The following MEGF9 variants were observed in gnomAD, a reference collection of about 807,000 sequenced individuals.
The protein encoded by MEGF9 is multiple epidermal growth factor-like domains protein 9.
In MEGF9, 6 loss-of-function variants were observed where a neutral mutation model predicts 46.8. That is an observed-to-expected ratio of 0.13 (90% CI 0.07 to 0.25). MEGF9 has a LOEUF of 0.25. Among genes scored for constraint, MEGF9 ranks in the 10% least tolerant of loss-of-function variants. The pLI is 1.00. For synonymous variants in MEGF9, 302 were observed against 330.7 expected, an observed-to-expected ratio of 0.91 and a Z score of 0.94; for missense variants, 683 against 792.4, an observed-to-expected ratio of 0.86 and a Z score of 1.66.
At position 120,607,751 on chromosome 9, in the gene MEGF9, G is replaced by A. The variant is rs1035474997; in HGVS notation, c.1347C>T (p.Cys449=). ...EGYVHDLEGN[C]IKKEVILPTP... ...TAGGTGAAGTTTTACCTTTCTTGAT[G>A]CAATTTCCCTCGAGGTCGTGAACAT... Residue 449 remains cysteine (C), a synonymous_variant, in exon 5 of 6, where the codon TGC becomes TGT. Transcript: ENST00000373930. The A allele has an allele frequency of 1.9e-6, 3 of 1,609,088 alleles. No homozygotes were observed. Among genetic ancestry groups the A allele is most frequent in the South Asian group, 1.1e-5 (1 of 91,032 alleles).
chr9:120,709,693 C>T (rs1273128864), intron 1 of MEGF9, among the ~76,000 whole-genome samples: 1 of 152,172 alleles, frequency 6.6e-6, no homozygotes, highest in Non-Finnish European at 1.5e-5. Flanking sequence ...AATGTAGAGC[C>T]ACATTAGGAG....
chr9:120,614,345 T>C (rs558036214), intron 3 of MEGF9, among the ~76,000 whole-genome samples: 3 of 152,228 alleles, frequency 2.0e-5, no homozygotes, highest in African/African-American at 7.2e-5. Context: ...ATAAATTTAT[T>C]GTGAAAGATA....
rs369989873 is a variant in MEGF9 at position 120,714,264 on chromosome 9, ACGGCGGCGG to A, written c.86_94del (p.Ala29_Ala31del). The A allele has an allele frequency of 6.5e-4, 806 of 1,235,642 alleles. 11 individuals carry two copies. The East Asian group carries it at 0.02, about 31-fold the overall frequency. 76.5% of individuals were successfully genotyped at this position (1,235,642 alleles called of 1,614,324 possible). A position where few individuals can be genotyped will look rare whatever the true frequency, so the allele number is the denominator to read the frequency against. On this transcript the variant is annotated inframe_deletion, in exon 1 of 6. Transcript: ENST00000373930. ...ATTCCCCGCCGAGGCGGCTGAGGCG[ACGGCGGCGG>A]CGGCGGCGGCGGCGGCGCAGCACAA... is the stretch of plus-strand genomic sequence containing the variant.
rs187044701 is a variant in MEGF9, at chr9:120,676,461, T to C, written c.602-16886A>G. Reference sequence around the variant, plus strand: ...AGTGGTTACAACTGTGATTTTTTTTTCCATTGTATCTTCTAATCAATATTA... The same window carrying C: ...AGTGGTTACAACTGTGATTTTTTTTCCCATTGTATCTTCTAATCAATATTA... On this transcript the variant is annotated intron_variant, in intron 1 of 5. Coordinates refer to ENST00000373930, the MANE Select transcript of MEGF9 (RefSeq NM_001080497.3). 3.7e-3 allele frequency among the ~76,000 whole-genome samples: 558 copies of C among 152,326 alleles called. 3 individuals are homozygous for C. Among genetic ancestry groups the C allele is most frequent in the Non-Finnish European group, 6.2e-3 (422 of 68,022 alleles).
At chr9:120,676,398 CTT>C (rs753231477) in intron 1 of MEGF9, among the ~76,000 whole-genome samples, 5 of 152,042 alleles carry the variant, frequency 3.3e-5, no homozygotes, top group African/African-American at 4.8e-5. Context: ...GTTATGATGA[CTT>C]TTAAACTTTT....
intron 1 of MEGF9, among the ~76,000 whole-genome samples, chr9:120,698,811 C>G (rs1480445550): frequency 6.6e-6 from 1 of 152,132 alleles, no homozygotes; most frequent in East Asian, 1.9e-4. Flanking sequence ...TTTCAAAGTT[C>G]AAAATTCAGA....
intron 1 of MEGF9, among the ~76,000 whole-genome samples, chr9:120,682,401 T>C (rs569411927): frequency 6.6e-6 from 1 of 152,310 alleles, no homozygotes; most frequent in Non-Finnish European, 1.5e-5. Flanking sequence ...TTGTAATGCC[T>C]GGAAAATTCA....
At chr9:120,691,058 A>G (rs370310776) in intron 1 of MEGF9, among the ~76,000 whole-genome samples, 1 of 152,274 alleles carries the variant, frequency 6.6e-6, no homozygotes, top group African/African-American at 2.4e-5. Flanking sequence ...ACATGTAGAA[A>G]CTGGGTAATA....
At chr9:120,680,928 C>T (rs550755419) in intron 1 of MEGF9, among the ~76,000 whole-genome samples, 1 of 149,280 alleles carries the variant, frequency 6.7e-6, no homozygotes, top group East Asian at 2.1e-4. Flanking sequence ...AGGCAGCAGG[C>T]TCCCCTGTGG....
intron 1 of MEGF9, among the ~76,000 whole-genome samples, chr9:120,710,237 T>C (rs2043947134): frequency 6.6e-6 from 1 of 151,758 alleles, no homozygotes; most frequent in African/African-American, 2.4e-5. Flanking sequence ...GAGACCAGCC[T>C]GACCAACATG....
intron 1 of MEGF9, among the ~76,000 whole-genome samples, chr9:120,685,771 T>C (rs76514184): frequency 0.024 from 3,595 of 152,210 alleles, 149 homozygotes; most frequent in African/African-American, 0.083. Context: ...ACTTGCACAA[T>C]CACATTCATA....
At chr9:120,632,801 G>A (rs1333548666) in intron 2 of MEGF9, among the ~76,000 whole-genome samples, 1 of 152,108 alleles carries the variant, frequency 6.6e-6, no homozygotes, top group Admixed American at 6.6e-5. Context: ...TTATCACGAA[G>A]GAATGTTGAA....
At chr9:120,665,568 G>T (rs140971536) in intron 1 of MEGF9, among the ~76,000 whole-genome samples, 9 of 152,160 alleles carry the variant, frequency 5.9e-5, no homozygotes, top group African/African-American at 2.2e-4. Context: ...GTAAGAACAT[G>T]CAGTATTTAT....
At chr9:120,703,714 T>C (rs1346893466) in intron 1 of MEGF9, among the ~76,000 whole-genome samples, 2 of 152,218 alleles carry the variant, frequency 1.3e-5, no homozygotes, top group African/African-American at 2.4e-5. Flanking sequence ...GGCTCATGCC[T>C]GTAATCCCAG....
chr9:120,693,292 A>AAAAAAAAAG (rs781577309), intron 1 of MEGF9, among the ~76,000 whole-genome samples: 2 of 147,474 alleles, frequency 1.4e-5, no homozygotes, highest in Non-Finnish European at 3.0e-5. Flanking sequence ...AAAAAAAAAA[A>AAAAAAAAAG]AAGAAGAAGA....
intron 2 of MEGF9, among the ~76,000 whole-genome samples, chr9:120,626,109 A>C (rs2043524401): frequency 6.6e-6 from 1 of 151,974 alleles, no homozygotes. Flanking sequence ...CTGGAGAATA[A>C]ATGTGTAGAA....
intron 4 of MEGF9, among the ~76,000 whole-genome samples, chr9:120,609,964 T>A (rs955093386): frequency 6.6e-6 from 1 of 152,170 alleles, no homozygotes; most frequent in African/African-American, 2.4e-5. Flanking sequence ...ATTAAAAGTA[T>A]ACAATTCAAT....
intron 2 of MEGF9, among the ~76,000 whole-genome samples, chr9:120,641,517 T>C (rs763303817): frequency 1.3e-5 from 2 of 152,204 alleles, no homozygotes; most frequent in Admixed American, 6.5e-5. Flanking sequence ...TCTGCATAAG[T>C]TGACCTTAGG....
At chr9:120,622,805 T>A in intron 2 of MEGF9, 50 bp from the exon 3 acceptor site, 1 of 1,598,494 alleles carries the variant, frequency 6.3e-7, no homozygotes, top group Non-Finnish European at 8.6e-7. Flanking sequence ...ATTTAAAAGT[T>A]GTATTGAGTA....
Sources: gnomAD v4.1 joint callset for allele counts (sites outside exome capture counted in the v4.1 genomes callset) on GRCh38, gnomAD v4.1.1 for gene constraint, MANE v1.5 for transcripts, NCBI Gene and HGNC (gene_info 2026-07-23, HGNC 2026-07-21) for gene names.